The following CNOT1 variants were observed in gnomAD, a reference collection of about 807,000 sequenced individuals.
The protein encoded by CNOT1 is CCR4-NOT transcription complex subunit 1, also known as CCR4-associated factor 1.
A neutral mutation model predicts 273.8 loss-of-function variants in CNOT1; 15 were observed. The ratio of observed to expected loss-of-function variants is 0.05; its 90% CI spans 0.04 to 0.08. CNOT1 has a LOEUF of 0.08. Among genes scored for constraint, CNOT1 ranks in the 10% least tolerant of loss-of-function variants. CNOT1 has a pLI of 1.00. For synonymous variants in CNOT1, 1,022 were observed against 1,005.5 expected (o/e 1.02, Z -0.31); for missense variants, 1,644 against 2,912.2 (o/e 0.56, Z 10.02).
chr16:58,556,700 T>G, intron 19 of CNOT1, 147 bp downstream of exon 19: 6 of 1,365,268 alleles, frequency 4.4e-6, no homozygotes, highest in Non-Finnish European at 5.7e-6. Context: ...GAGTGATACC[T>G]CTAACTTTTA....
intron 38 of CNOT1, among the ~76,000 whole-genome samples, chr16:58,537,462 G>GA (rs1013336415): frequency 6.6e-6 from 1 of 152,188 alleles, no homozygotes; most frequent in Non-Finnish European, 1.5e-5. Context: ...TCATTTAAAT[G>GA]AAACTGATGT....
At chr16:58,573,683 G>A (rs369568878) in intron 16 of CNOT1, among the ~76,000 whole-genome samples, 40 of 151,680 alleles carry the variant, frequency 2.6e-4, no homozygotes, top group African/African-American at 8.5e-4. Flanking sequence ...GGGTTTCACC[G>A]TGTTAGTCAG....
At chr16:58,570,526 C>A (rs2041232431) in intron 16 of CNOT1, among the ~76,000 whole-genome samples, 1 of 152,146 alleles carries the variant, frequency 6.6e-6, no homozygotes. Flanking sequence ...GTGGTCCCAG[C>A]TACCTGGGAG....
At chr16:58,612,713 T>C (rs2042943354) in intron 1 of CNOT1, among the ~76,000 whole-genome samples, 1 of 152,168 alleles carries the variant, frequency 6.6e-6, no homozygotes, top group South Asian at 2.1e-4. Context: ...CACTCCAGCC[T>C]GGGCGACAAG....
chr16:58,609,481 G>A (rs1380115596), intron 1 of CNOT1, among the ~76,000 whole-genome samples: 1 of 152,126 alleles, frequency 6.6e-6, no homozygotes. Flanking sequence ...GGAGGGGTGG[G>A]AGAGACAGTT....
intron 25 of CNOT1, among the ~76,000 whole-genome samples, chr16:58,549,179 C>A (rs193218677): frequency 6.6e-6 from 1 of 151,130 alleles, no homozygotes; most frequent in Non-Finnish European, 1.5e-5. Context: ...CCCAGCTACT[C>A]GGGAGGCTGA....
At chr16:58,529,318 C>T (rs2039698305) in intron 43 of CNOT1, among the ~76,000 whole-genome samples, 1 of 152,144 alleles carries the variant, frequency 6.6e-6, no homozygotes, top group African/African-American at 2.4e-5. Context: ...AATTTTAAAG[C>T]TTCTGATCCT....
intron 31 of CNOT1, among the ~76,000 whole-genome samples, chr16:58,542,816 C>T (rs567371702): frequency 2.6e-5 from 4 of 152,238 alleles, no homozygotes; most frequent in Admixed American, 6.5e-5. Flanking sequence ...GCAGGCCAGA[C>T]GCGGTGGCTC....
Position 58,538,818 on chromosome 16 carries a change from C to T in CNOT1, c.5089G>A (p.Asp1697Asn), listed in dbSNP as rs2151912258. The T allele has an allele frequency of 1.2e-6, 2 of 1,612,540 alleles. No homozygotes were observed. Among genetic ancestry groups the T allele is most frequent in the Non-Finnish European group, 1.7e-6 (2 of 1,179,822 alleles). ...CHLLVLKALQDGRAYGSPWCN... is the reference protein window; with the variant it reads ...CHLLVLKALQNGRAYGSPWCN... ...CATGGAGACCCATATGCCCGGCCATCCTGCAGAGCTTTTAGGACCAAGAGG... is the reference window on the plus strand; with the variant it reads ...CATGGAGACCCATATGCCCGGCCATTCTGCAGAGCTTTTAGGACCAAGAGG... Residue 1697 changes from aspartate (D) to asparagine (N), a missense_variant, in exon 36 of 49, where the codon GAT becomes AAT. This residue lies in a region of CNOT1 where 170 missense variants were observed against 273.1 expected (regional missense o/e 0.62). Transcript: ENST00000317147.
At chr16:58,556,794 C>G (rs1403947739) in intron 19 of CNOT1, 53 bp downstream of exon 19, 2 of 1,591,760 alleles carry the variant, frequency 1.3e-6, no homozygotes, top group Non-Finnish European at 1.7e-6. Flanking sequence ...AGACATACAA[C>G]TAAACATTTT....
At chr16:58,523,802 G>T (rs190341367) in intron 46 of CNOT1, 2 of 239,362 alleles carry the variant, frequency 8.4e-6, no homozygotes, top group South Asian at 8.8e-5. Flanking sequence ...ACATTTTGCA[G>T]ATCTCTAAGT....
At chr16:58,570,189 A>C (rs1224686499) in intron 16 of CNOT1, among the ~76,000 whole-genome samples, 1 of 152,244 alleles carries the variant, frequency 6.6e-6, no homozygotes, top group Admixed American at 6.5e-5. Flanking sequence ...GATAACAAAA[A>C]GAGGTAATTC....
chr16:58,523,809 A>C (rs2039488087), intron 46 of CNOT1: 2 of 226,786 alleles, frequency 8.8e-6, no homozygotes, highest in Non-Finnish European at 1.7e-5. Flanking sequence ...GCAGATCTCT[A>C]AGTCTTGCTT....
chr16:58,551,657 T>C lies in CNOT1; in HGVS notation c.3133A>G (p.Thr1045Ala), dbSNP rs1362696556. The change falls in exon 23 of 49, where the codon ACT becomes GCT. Residue 1045 changes from threonine to alanine, a missense_variant. Thr to Ala is a moderately conservative substitution (Grantham distance 58). Transcript: ENST00000317147. The stretch of plus-strand genomic sequence containing the variant: ...GTAACCGTTTTAGCAACAGTGGTAG[T>C]TGTTGAGGTGGTTACCATAGTGCTA... Reference protein sequence around the residue: ...QVSTMVTTSTTTTVAKTVTVT... With the variant: ...QVSTMVTTSTATTVAKTVTVT... 2.5e-6 allele frequency: 4 copies of C among 1,614,162 alleles called. No homozygotes were observed. The highest frequency in any genetic ancestry group is 2.2e-5 in the East Asian group (1 of 44,886).
chr16:58,533,765 C>T lies in CNOT1; in HGVS notation c.5895+382G>A, dbSNP rs987452380. ...GTGTGAACCTAGGAGGCGGAGTTTG[C>T]AGTAAGCCGAGATTGCACCACTGCA... On this transcript the variant is annotated intron_variant, in intron 40 of 48. Coordinates refer to ENST00000317147, the MANE Select transcript of CNOT1 (RefSeq NM_016284.5). 3.7e-4 allele frequency among the ~76,000 whole-genome samples: 57 copies of T among 152,146 alleles called. 1 individual carries two copies. Among genetic ancestry groups the T allele is most frequent in the Non-Finnish European group, 1.3e-4 (9 of 68,036 alleles).
intron 10 of CNOT1, among the ~76,000 whole-genome samples, chr16:58,582,195 G>A (rs1413157224): frequency 5.3e-5 from 8 of 152,054 alleles, no homozygotes; most frequent in African/African-American, 1.9e-4. Context: ...GGGAGGCTGA[G>A]GCAGGAGAAC....
At chr16:58,548,603 T>C (rs898106426) in intron 25 of CNOT1, 3 of 519,036 alleles carry the variant, frequency 5.8e-6, no homozygotes, top group Non-Finnish European at 1.2e-5. Flanking sequence ...GAATGGGGAA[T>C]ATTCCCATCC....
chr16:58,592,689 A>G (rs2042105077), intron 2 of CNOT1, among the ~76,000 whole-genome samples: 1 of 152,224 alleles, frequency 6.6e-6, no homozygotes, highest in African/African-American at 2.4e-5. Flanking sequence ...AGAAATTAAA[A>G]TGTTTAGGAC....
At chr16:58,625,128 G>A (rs2043508532) in intron 1 of CNOT1, among the ~76,000 whole-genome samples, 2 of 152,042 alleles carry the variant, frequency 1.3e-5, no homozygotes, top group Admixed American at 6.6e-5. Flanking sequence ...GCTCACACCT[G>A]TAATCCCAGA....
Sources: gnomAD v4.1 joint callset for allele counts (sites outside exome capture counted in the v4.1 genomes callset) on GRCh38, gnomAD v4.1.1 for gene constraint, gnomAD v4.1.1 regional missense constraint, MANE v1.5 for transcripts, NCBI Gene and HGNC (gene_info 2026-07-23, HGNC 2026-07-21) for gene names.